Variants in MYO5A observed in about 807,000 individuals in gnomAD.
MYO5A encodes the protein myosin VA, also known as unconventional myosin-Va.
Under a neutral mutation model 249.7 loss-of-function variants are expected in MYO5A, and 98 were observed. The ratio of observed to expected loss-of-function variants is 0.39; its 90% CI spans 0.33 to 0.46. The LOEUF (loss-of-function observed/expected upper bound fraction) is 0.46. Among genes scored for constraint, MYO5A ranks in the 20% least tolerant of loss-of-function variants. The pLI, the probability that MYO5A is intolerant of heterozygous loss-of-function variation, is 0.98. For missense variants in MYO5A, 1,696 were observed against 2,308.8 expected, an observed-to-expected ratio of 0.73 and a Z score of 5.44; for synonymous variants, 778 against 810.6, an observed-to-expected ratio of 0.96 and a Z score of 0.68.
intron 8 of MYO5A, among the ~76,000 whole-genome samples, 192 bp from the exon 9 acceptor site, chr15:52,405,585 A>G (rs28648824): frequency 0.013 from 1,981 of 152,366 alleles, 37 homozygotes; most frequent in African/African-American, 0.046. Context: ...TCATGGATGG[A>G]TAACATGGCT....
intron 25 of MYO5A, among the ~76,000 whole-genome samples, chr15:52,356,832 G>A (rs1453888978): frequency 9.6e-6 from 1 of 104,512 alleles, no homozygotes; most frequent in Non-Finnish European, 1.7e-5. Context: ...TTCAGGAATT[G>A]TATATTAATT....
intron 1 of MYO5A, among the ~76,000 whole-genome samples, chr15:52,487,409 T>C (rs2076844405): frequency 6.7e-6 from 1 of 149,978 alleles, no homozygotes; most frequent in South Asian, 2.1e-4. Context: ...GAGCAGACCC[T>C]GTCCCAAAAA....
In MYO5A at chr15:52,405,332, G is replaced by T. The variant is rs760728082; in HGVS notation, c.1008C>A (p.Gly336=). 6.2e-7 allele frequency: 1 copy of T among 1,613,888 alleles called. No individual in the cohort carries two copies. The highest frequency in any genetic ancestry group is 1.1e-5 in the South Asian group (1 of 91,086). ...CATCTCGGGATGTAAATCCAACATT[G>T]CCTAAGTGAAGGATGCCAGCAAGTA... ...FRILAGILHL[G]NVGFTSRDAD... Residue 336 remains glycine (G), a synonymous_variant, in exon 9 of 42, where the codon GGC becomes GGA. Transcript: ENST00000399233.
intron 1 of MYO5A, among the ~76,000 whole-genome samples, chr15:52,435,907 TCA>T (rs961518297): frequency 7.9e-5 from 12 of 152,194 alleles, no homozygotes; most frequent in African/African-American, 2.9e-4. Context: ...CAAATAGCCA[TCA>T]CAGTTTTTTT....
rs375511929 is a variant in MYO5A, at chr15:52,376,404, C to T, written c.2363G>A (p.Arg788His). 11 of 1,613,990 alleles carry T rather than the reference C, an allele frequency of 6.8e-6. No homozygotes were observed. The highest frequency in any genetic ancestry group is 2.2e-5 in the East Asian group (1 of 44,868). Residue 788 changes from arginine to histidine, a missense_variant, in exon 19 of 42, where the codon CGC (arginine) becomes CAC (histidine). This residue lies in a region of MYO5A where 412 missense variants were observed against 453.3 expected (regional missense o/e 0.91). Transcript: ENST00000399233. ...CATGGTGATGGCTGCCTTCCGCATG[C>T]GTAGGTACTTCTTTCTCAGCAGCCA... is the stretch of plus-strand genomic sequence containing the variant. ...RGWLLRKKYL[R>H]MRKAAITMQR... is the part of the protein sequence containing the mutation.
At chr15:52,415,072 G>A (rs1031875391) in intron 5 of MYO5A, among the ~76,000 whole-genome samples, 1 of 152,140 alleles carries the variant, frequency 6.6e-6, no homozygotes, top group Non-Finnish European at 1.5e-5. Flanking sequence ...ACGGCATTCT[G>A]TTCTGAAGTG....
At chr15:52,488,641 A>C (rs571651688) in intron 1 of MYO5A, among the ~76,000 whole-genome samples, 2 of 152,346 alleles carry the variant, frequency 1.3e-5, no homozygotes, top group South Asian at 4.1e-4. Flanking sequence ...GTGAAATAAT[A>C]AAATGGTTGT....
rs373522085 is a variant in MYO5A, at chr15:52,405,288, G to T, written c.1052C>A (p.Pro351His). The change falls in exon 9 of 42, where the codon CCT (proline) becomes CAT (histidine). Residue 351 changes from proline (P) to histidine (H), a missense_variant and splice_region_variant. Around this residue, in one of 5 missense-constraint regions of MYO5A, gnomAD observed 185 missense variants for 204.8 expected, o/e 0.90. Coordinates refer to ENST00000399233, the MANE Select transcript of MYO5A (RefSeq NM_001382347.1). ...CACTAAAGCTTATTCTGAACTTACA[G>T]GTATTGTGCAGCTGTCTGCATCTCG... is the stretch of plus-strand genomic sequence containing the variant. ...TSRDADSCTIPPKHEPLCIFC... is the reference protein window; with the variant it reads ...TSRDADSCTIHPKHEPLCIFC... 1.0e-5 allele frequency: 16 copies of T among 1,603,942 alleles called. No individual in the cohort carries two copies. The African/African-American group carries it at 1.9e-4, about 19-fold the overall frequency.
chr15:52,373,712 A>G (rs2041250977), intron 20 of MYO5A, among the ~76,000 whole-genome samples: 1 of 152,174 alleles, frequency 6.6e-6, no homozygotes, highest in Non-Finnish European at 1.5e-5. Flanking sequence ...AACCCAGCTC[A>G]GATGTTCCTA....
At chr15:52,431,381 A>G (rs1486489063) in intron 2 of MYO5A, among the ~76,000 whole-genome samples, 2 of 151,774 alleles carry the variant, frequency 1.3e-5, no homozygotes, top group African/African-American at 4.8e-5. Flanking sequence ...CATTATATAT[A>G]TAAAATACAT....
chr15:52,511,730 G>A (rs1160184283), intron 1 of MYO5A, among the ~76,000 whole-genome samples: 2 of 152,150 alleles, frequency 1.3e-5, no homozygotes, highest in African/African-American at 4.8e-5. Flanking sequence ...CTGTAGTTTG[G>A]AGAACTGCCT....
chr15:52,519,593 C>G (rs1401708011), intron 1 of MYO5A, among the ~76,000 whole-genome samples: 1 of 147,906 alleles, frequency 6.8e-6, no homozygotes, highest in African/African-American at 2.5e-5. Flanking sequence ...GTGTGGGCAA[C>G]AGAACGAGAC....
rs769055119 is a variant in MYO5A, at chr15:52,360,202, G to A, written c.3310-121C>T. On this transcript the variant is annotated intron_variant, in intron 24 of 41. Coordinates refer to ENST00000399233, the MANE Select transcript of MYO5A (RefSeq NM_001382347.1). ...TCCTGACTTGTATTGGTGCCCAAGT[G>A]ATTTGTTCCATATTGTTTTGACCAA... is the stretch of plus-strand genomic sequence containing the variant. 2.5e-4 allele frequency: 180 copies of A among 724,100 alleles called. 1 individual carries two copies. The highest frequency in any genetic ancestry group is 3.2e-4 in the Non-Finnish European group (131 of 403,596). The allele number at this position is 724,100 out of a possible 1,614,324, so 44.9% of individuals were successfully genotyped here. A position where few individuals can be genotyped will look rare whatever the true frequency, so the allele number is the denominator to read the frequency against.
chr15:52,528,828 C>G lies in MYO5A; in HGVS notation c.-22G>C, dbSNP rs777523126. 4.1e-6 allele frequency: 6 copies of G among 1,475,128 alleles called. No homozygotes were observed. In the Admixed American group the frequency reaches 7.0e-5, roughly 17 times the overall value. The allele number at this position is 1,475,128 out of a possible 1,614,324, so 91.4% of individuals were successfully genotyped here. ...CCATGGCGGGCCCCGCGCGCCTACG[C>G]CCCCCGCCTGTGCGGAGGCCGCACC... is the stretch of plus-strand genomic sequence containing the variant. On this transcript the variant is annotated 5_prime_UTR_variant, in exon 1 of 42. Transcript: ENST00000399233.
At chr15:52,390,342 G>A (rs369822775) in intron 12 of MYO5A, among the ~76,000 whole-genome samples, 5 of 151,856 alleles carry the variant, frequency 3.3e-5, no homozygotes, top group South Asian at 2.1e-4. Context: ...ATTATACATC[G>A]CATGCCTATA....
intron 1 of MYO5A, among the ~76,000 whole-genome samples, chr15:52,524,458 G>A (rs1366466525): frequency 6.6e-6 from 1 of 151,936 alleles, no homozygotes; most frequent in African/African-American, 2.4e-5. Flanking sequence ...GGAAGGTGAG[G>A]TGGGAGGATG....
chr15:52,524,830 T>C (rs1210176099), intron 1 of MYO5A, among the ~76,000 whole-genome samples: 1 of 151,414 alleles, frequency 6.6e-6, no homozygotes, highest in Non-Finnish European at 1.5e-5. Flanking sequence ...TTCATTTCAC[T>C]GCACTCCAGC....
chr15:52,440,767 C>T lies in MYO5A; in HGVS notation c.28-7482G>A, dbSNP rs142756882. ...AAACTAACAGCATTAACAGAGTAAACTGACCAGCCCTCAAAACCCAAAGAA... is the reference window on the plus strand; with the variant it reads ...AAACTAACAGCATTAACAGAGTAAATTGACCAGCCCTCAAAACCCAAAGAA... On this transcript the variant is annotated intron_variant, in intron 1 of 41. Coordinates refer to ENST00000399233, the MANE Select transcript of MYO5A (RefSeq NM_001382347.1). 5.3e-5 allele frequency among the ~76,000 whole-genome samples: 8 copies of T among 152,342 alleles called. No homozygotes were observed. The East Asian group carries it at 5.8e-4, about 11-fold the overall frequency.
At chr15:52,505,577 A>T in intron 1 of MYO5A, 1 of 1,561,528 alleles carries the variant, frequency 6.4e-7, no homozygotes, top group South Asian at 1.1e-5. Flanking sequence ...GAATCAAAGA[A>T]AGCCAAAAAA....
Sources: allele counts gnomAD v4.1 joint callset (sites outside exome capture counted in the v4.1 genomes callset), GRCh38; gene constraint gnomAD v4.1.1; regional missense constraint gnomAD v4.1.1; transcripts MANE v1.5; gene names NCBI Gene and HGNC (gene_info 2026-07-23, HGNC 2026-07-21).